ARHGAP29: variants seen among roughly 807,000 people sequenced by gnomAD.
ARHGAP29 encodes the protein rho GTPase-activating protein 29.
ARHGAP29 carries 43 observed loss-of-function variants against 122.6 expected under a neutral mutation model. That is an observed-to-expected ratio of 0.35 (90% CI 0.27 to 0.45). The LOEUF (loss-of-function observed/expected upper bound fraction) is 0.45. Ranked by LOEUF, ARHGAP29 falls within the 20% of genes least tolerant of loss-of-function variation. The pLI is 1.00. For synonymous variants in ARHGAP29, 506 were observed against 497.1 expected (o/e 1.02, Z -0.24); for missense variants, 1,303 against 1,477.2 (o/e 0.88, Z 1.93).
chr1:94,201,570 T>A, intron 12 of ARHGAP29, 150 bp downstream of exon 12: 1 of 635,348 alleles, frequency 1.6e-6, no homozygotes, highest in Non-Finnish European at 2.5e-6. Context: ...TGGGTAATCA[T>A]AATCGAAGCT....
intron 5 of ARHGAP29, among the ~76,000 whole-genome samples, chr1:94,206,223 T>G (rs1239804583): frequency 6.6e-6 from 1 of 152,210 alleles, no homozygotes; most frequent in Non-Finnish European, 1.5e-5. Flanking sequence ...CTAGTGTGAC[T>G]AGGAGGTGGA....
At chr1:94,306,808 G>A in the ARHGAP29 span, among the ~76,000 whole-genome samples, 17 of 152,170 alleles carry the variant, frequency 1.1e-4, no homozygotes, top group East Asian at 3.3e-3. Context: ...CAAAAAATAG[G>A]GGTTTACACC....
chr1:94,197,618 G>A (rs1018002870), intron 12 of ARHGAP29, among the ~76,000 whole-genome samples: 1 of 152,084 alleles, frequency 6.6e-6, no homozygotes, highest in Admixed American at 6.6e-5. Context: ...CAACAAAGTA[G>A]CAAATTGAAT....
intron 1 of ARHGAP29, among the ~76,000 whole-genome samples, chr1:94,254,130 A>G (rs1383373886): frequency 6.6e-6 from 1 of 152,224 alleles, no homozygotes; most frequent in Non-Finnish European, 1.5e-5. Flanking sequence ...TGAGTTAATA[A>G]TTCTATAATA....
Position 94,189,997 on chromosome 1 carries a change from G to C in ARHGAP29, c.1368C>G (p.Leu456=), listed in dbSNP as rs759004786. The C allele has an allele frequency of 1.2e-6, 2 of 1,613,470 alleles. No individual in the cohort carries two copies. Among genetic ancestry groups the C allele is most frequent in the Non-Finnish European group, 1.7e-6 (2 of 1,179,636 alleles). Residue 456 remains leucine (L), a synonymous_variant, in exon 13 of 23, where the codon CTC becomes CTG. Transcript: ENST00000260526. The stretch of plus-strand genomic sequence containing the variant: ...CACTGTACTCTTGGCCTGGGTCATA[G>C]AGTTTGGCACTATCACAGAGAGACT... ...SLQSLCDSAK[L]YDPGQEYSEF...
chr1:94,185,622 G>T, intron 16 of ARHGAP29, 141 bp from the exon 17 acceptor site: 1 of 716,600 alleles, frequency 1.4e-6, no homozygotes, highest in Non-Finnish European at 2.0e-6. Context: ...AAAATAGCTA[G>T]TTAGCATCCA....
intron 3 of ARHGAP29, among the ~76,000 whole-genome samples, chr1:94,215,113 A>AG (rs1338557363): frequency 6.6e-6 from 1 of 150,646 alleles, no homozygotes; most frequent in African/African-American, 2.4e-5. Flanking sequence ...GGAAAAAAAA[A>AG]AAAAAAGAAA....
At chr1:94,269,460 T>G (rs867121663) in intron 1 of ARHGAP29, among the ~76,000 whole-genome samples, 5 of 152,284 alleles carry the variant, frequency 3.3e-5, no homozygotes, top group Middle Eastern at 3.4e-3. Context: ...CACTGCCAAG[T>G]TCACCCTGAG....
At chr1:94,224,708 T>C (rs1652514909) in intron 2 of ARHGAP29, among the ~76,000 whole-genome samples, 1 of 152,114 alleles carries the variant, frequency 6.6e-6, no homozygotes, top group South Asian at 2.1e-4. Context: ...AATCACTATA[T>C]CCAATCTGTC....
intron 3 of ARHGAP29, among the ~76,000 whole-genome samples, chr1:94,213,144 C>T (rs372146055): frequency 1.3e-5 from 2 of 152,288 alleles, no homozygotes; most frequent in South Asian, 4.1e-4. Flanking sequence ...TTTGGCTTTT[C>T]ACCCACTTTA....
rs1650979971 is a variant in ARHGAP29, at chr1:94,203,271, A to ATCACT, written c.763-66_763-62dup. Reference sequence around the variant, plus strand: ...GAAATGGCACTAGAATTCCAAACACATCACTACCCTTCTTCAAAAAGGGAA... The same window carrying ATCACT: ...GAAATGGCACTAGAATTCCAAACACATCACTTCACTACCCTTCTTCAAAAAGGGAA... On this transcript the variant is annotated intron_variant, in intron 8 of 22. Coordinates refer to ENST00000260526, the MANE Select transcript of ARHGAP29 (RefSeq NM_004815.4). The ATCACT allele has an allele frequency of 6.0e-6, 7 of 1,164,996 alleles. No individual in the cohort carries two copies. In the East Asian group the frequency reaches 1.8e-4, roughly 29 times the overall value. The allele number at this position is 1,164,996 out of a possible 1,614,324, so 72.2% of individuals were successfully genotyped here.
rs564515430 is a variant in ARHGAP29 at position 94,226,064 on chromosome 1, A to G, written c.205+5343T>C. On this transcript the variant is annotated intron_variant, in intron 2 of 22. Coordinates refer to ENST00000260526, the MANE Select transcript of ARHGAP29 (RefSeq NM_004815.4). ...ACACTTCATGGAAATGTCTAAGTAAATAAATGAAAAAAACATGATGTTTTC... is the reference window on the plus strand; with the variant it reads ...ACACTTCATGGAAATGTCTAAGTAAGTAAATGAAAAAAACATGATGTTTTC... Among the ~76,000 whole-genome samples, 13 of 152,184 alleles carry G rather than the reference A, an allele frequency of 8.5e-5. No individual in the cohort carries two copies. The South Asian group carries it at 2.7e-3, about 32-fold the overall frequency.
At chr1:94,221,797 A>G (rs1436138210) in intron 2 of ARHGAP29, among the ~76,000 whole-genome samples, 6 of 151,616 alleles carry the variant, frequency 4.0e-5, no homozygotes, top group Non-Finnish European at 7.4e-5. Flanking sequence ...GAGGGCCTAA[A>G]AGAAATGACA....
At chr1:94,263,119 T>C (rs1654626660) in intron 1 of ARHGAP29, among the ~76,000 whole-genome samples, 3 of 152,248 alleles carry the variant, frequency 2.0e-5, no homozygotes, top group Non-Finnish European at 4.4e-5. Flanking sequence ...TGAAGGCCAT[T>C]ATCCTTAGCA....
intron 12 of ARHGAP29, among the ~76,000 whole-genome samples, chr1:94,198,169 ATTTC>A (rs1246063253): frequency 6.9e-6 from 1 of 144,744 alleles, no homozygotes; most frequent in Non-Finnish European, 1.5e-5. Flanking sequence ...TATCAAGTAT[ATTTC>A]TAAATATTAA....
At chr1:94,260,276 A>G (rs1161400161) in intron 1 of ARHGAP29, among the ~76,000 whole-genome samples, 1 of 152,164 alleles carries the variant, frequency 6.6e-6, no homozygotes, top group Non-Finnish European at 1.5e-5. Flanking sequence ...GATTCTGACA[A>G]CCAAACCAGC....
intron 2 of ARHGAP29, among the ~76,000 whole-genome samples, chr1:94,227,223 T>C (rs1652663765): frequency 6.6e-6 from 1 of 151,772 alleles, no homozygotes; most frequent in Admixed American, 6.6e-5. Context: ...ACTATAGTCC[T>C]GTAAAAACAA....
At chr1:94,276,746 A>C (rs1004094652), upstream of ARHGAP29, among the ~76,000 whole-genome samples, 3 of 125,898 alleles carry the variant, frequency 2.4e-5, no homozygotes, top group Non-Finnish European at 4.7e-5. Context: ...GTGCCACTGC[A>C]CTCCAGCCTG....
chr1:94,182,294 T>G (rs1364029115), intron 19 of ARHGAP29, among the ~76,000 whole-genome samples: 1 of 151,154 alleles, frequency 6.6e-6, no homozygotes, highest in African/African-American at 2.4e-5. Context: ...AAGAAATGAA[T>G]GATAGAGAAA....
Sources: gnomAD v4.1 joint callset for allele counts (sites outside exome capture counted in the v4.1 genomes callset) on GRCh38, gnomAD v4.1.1 for gene constraint, MANE v1.5 for transcripts, NCBI Gene and HGNC (gene_info 2026-07-23, HGNC 2026-07-21) for gene names.